The following MTUS1 variants were observed in gnomAD, a reference collection of about 807,000 sequenced individuals.
MTUS1 encodes the protein microtubule associated scaffold protein 1.
In MTUS1, 109 loss-of-function variants were observed where a neutral mutation model predicts 120.8. The ratio of observed to expected loss-of-function variants is 0.90; its 90% confidence interval spans 0.77 to 1.06. The LOEUF is 1.06. MTUS1 is among the 50% of genes least tolerant of loss of function. The pLI, the probability that MTUS1 is intolerant of heterozygous loss-of-function variation, is 0.00. For synonymous variants in MTUS1, 737 were observed against 550.5 expected (o/e 1.34, Z -4.74); for missense variants, 2,210 against 1,486.3 (o/e 1.49, Z -8.01).
At chr8:17,735,759 T>A (rs554266316) in intron 3 of MTUS1, among the ~76,000 whole-genome samples, 7 of 152,384 alleles carry the variant, frequency 4.6e-5, no homozygotes, top group Admixed American at 4.6e-4. Flanking sequence ...AGCCAAGGAA[T>A]GTTTTTAAAC....
intron 8 of MTUS1, among the ~76,000 whole-genome samples, chr8:17,661,327 G>T (rs1809646084): frequency 6.6e-6 from 1 of 152,034 alleles, no homozygotes; most frequent in Non-Finnish European, 1.5e-5. Context: ...AAAATTTCCG[G>T]TATTTCCAAA....
chr8:17,675,130 T>G, intron 8 of MTUS1, 56 bp downstream of exon 8: 1 of 1,608,382 alleles, frequency 6.2e-7, no homozygotes, highest in Non-Finnish European at 8.5e-7. Context: ...ACAACCACAT[T>G]TTCCAGTGTT....
chr8:17,646,979 T>C lies in MTUS1; in HGVS notation c.3599+3A>G, dbSNP rs1805936927. The C allele has an allele frequency of 6.2e-7, 1 of 1,612,060 alleles. No individual in the cohort carries two copies. The highest frequency in any genetic ancestry group is 1.7e-5 in the Admixed American group (1 of 59,972). On this transcript the variant is annotated splice_donor_region_variant and intron_variant, in intron 14 of 14. Coordinates refer to ENST00000693296, the MANE Select transcript of MTUS1 (RefSeq NM_001363059.2). ...GGGAGAAACAGCACTGTTTTATTTT[T>C]ACCTTGAGATTGCCATGTGCTTGTC... is the stretch of plus-strand genomic sequence containing the variant.
Position 17,643,933 on chromosome 8 carries a change from T to C in MTUS1, c.*1993A>G, listed in dbSNP as rs896022196. The C allele has an allele frequency of 7.2e-5, 11 of 152,226 alleles. No individual in the cohort carries two copies. The highest frequency in any genetic ancestry group is 2.4e-4 in the African/African-American group (10 of 41,450). The allele number at this position is 152,226 out of a possible 1,614,324, so 9.4% of individuals were successfully genotyped here. A position where few individuals can be genotyped will look rare whatever the true frequency, so the allele number is the denominator to read the frequency against. ...ACATTTTGCATTCTACATGAAACAT[T>C]TGGTTTAAACAAAATCTTAAGAATT... On this transcript the variant is annotated 3_prime_UTR_variant, in exon 15 of 15. Transcript: ENST00000693296.
chr8:17,758,008 T>TAC (rs948018376), intron 1 of MTUS1: 23 of 151,792 alleles, frequency 1.5e-4, no homozygotes, highest in Non-Finnish European at 2.5e-4. Flanking sequence ...TGCAAACAGA[T>TAC]ACGCACACAC....
intron 1 of MTUS1, among the ~76,000 whole-genome samples, chr8:17,777,355 C>T (rs62498370): frequency 0.03 from 4,506 of 151,902 alleles, 102 homozygotes; most frequent in Non-Finnish European, 0.043. Context: ...AAGAGAATCG[C>T]TTGAACCCAG....
chr8:17,657,490 C>A (rs1449288160), intron 8 of MTUS1, among the ~76,000 whole-genome samples: 3 of 149,940 alleles, frequency 2.0e-5, no homozygotes, highest in African/African-American at 7.3e-5. Context: ...ATGGCGTGAA[C>A]CCGGGAGGCG....
intron 6 of MTUS1, among the ~76,000 whole-genome samples, chr8:17,704,749 C>G (rs963812895): frequency 6.6e-6 from 1 of 152,082 alleles, no homozygotes; most frequent in African/African-American, 2.4e-5. Context: ...TATTTGCAGT[C>G]CTCTGTCATT....
At chr8:17,766,524 C>G (rs186351864) in intron 1 of MTUS1, among the ~76,000 whole-genome samples, 1 of 152,172 alleles carries the variant, frequency 6.6e-6, no homozygotes, top group African/African-American at 2.4e-5. Flanking sequence ...CAGATCTTAT[C>G]TGAAGGTGAC....
rs768397952 is a variant in MTUS1, at chr8:17,647,010, G to C, written c.3571C>G (p.Arg1191Gly). 2 of 1,613,698 alleles carry C rather than the reference G, an allele frequency of 1.2e-6. No individual in the cohort carries two copies. Among genetic ancestry groups the C allele is most frequent in the African/African-American group, 1.3e-5 (1 of 74,866 alleles). Reference protein sequence around the residue: ...FQQENEELKARMDKHMAISRQ... With the variant: ...FQQENEELKAGMDKHMAISRQ... ...GAGATTGCCATGTGCTTGTCCATCC[G>C]AGCTTTCAATTCTTCATTCTCCTGC... The change falls in exon 14 of 15, where the codon CGG becomes GGG. Residue 1191 changes from arginine to glycine, a missense_variant. Physicochemically the swap from Arg to Gly is moderately radical, Grantham distance 125 (BLOSUM62 -2). Coordinates refer to ENST00000693296, the MANE Select transcript of MTUS1 (RefSeq NM_001363059.2).
intron 1 of MTUS1, among the ~76,000 whole-genome samples, chr8:17,794,756 G>C (rs1401421944): frequency 6.6e-6 from 1 of 152,178 alleles, no homozygotes; most frequent in Admixed American, 6.5e-5. Flanking sequence ...AGTGCAAGGT[G>C]ACTTAATCAG....
Position 17,755,687 on chromosome 8 carries a change from C to A in MTUS1, c.121G>T (p.Ala41Ser). The A allele has an allele frequency of 6.2e-7, 1 of 1,614,208 alleles. No homozygotes were observed. The highest frequency in any genetic ancestry group is 8.5e-7 in the Non-Finnish European group (1 of 1,180,032). ...PKSPPTQNSSASSVNWNSANP... is the reference protein window; with the variant it reads ...PKSPPTQNSSSSSVNWNSANP... Reference sequence around the variant, plus strand: ...GCAGAATTCCAGTTCACACTGCTGGCTGAAGAGTTTTGTGTAGGTGGTGAT... The same window carrying A: ...GCAGAATTCCAGTTCACACTGCTGGATGAAGAGTTTTGTGTAGGTGGTGAT... Residue 41 changes from alanine to serine, a missense_variant, in exon 2 of 15, where the codon GCC becomes TCC. Physicochemically the swap from Ala to Ser is moderately conservative, Grantham distance 99 (BLOSUM62 1). Coordinates refer to ENST00000693296, the MANE Select transcript of MTUS1 (RefSeq NM_001363059.2).
intron 1 of MTUS1, among the ~76,000 whole-genome samples, chr8:17,778,724 G>A (rs541603124): frequency 3.3e-5 from 5 of 152,196 alleles, no homozygotes; most frequent in South Asian, 2.1e-4. Flanking sequence ...TGGGAGGATC[G>A]TTTGGGCCCT....
intron 1 of MTUS1, among the ~76,000 whole-genome samples, chr8:17,767,958 G>C (rs890831529): frequency 6.6e-6 from 1 of 152,216 alleles, no homozygotes; most frequent in Middle Eastern, 3.2e-3. Flanking sequence ...ACTCCTGGCA[G>C]TGGCAGCACG....
At chr8:17,686,059 A>G (rs6586632) in intron 6 of MTUS1, among the ~76,000 whole-genome samples, 88,399 of 152,138 alleles carry the variant, frequency 0.58, 25,894 homozygotes, top group Middle Eastern at 0.68. Context: ...AAATTGTCAC[A>G]TAACACATAA....
intron 1 of MTUS1, among the ~76,000 whole-genome samples, chr8:17,760,060 T>TC (rs1207098575): frequency 1.7e-4 from 26 of 149,726 alleles, no homozygotes; most frequent in African/African-American, 5.4e-4. Context: ...TCTTTTCTTT[T>TC]TTTTTTTTTT....
chr8:17,698,707 A>G (rs1017562804), intron 6 of MTUS1, among the ~76,000 whole-genome samples: 6 of 152,146 alleles, frequency 3.9e-5, no homozygotes, highest in Non-Finnish European at 7.3e-5. Context: ...GAAAATTTAA[A>G]TAAGTTCTCT....
At chr8:17,670,640 T>C (rs925985417) in intron 8 of MTUS1, among the ~76,000 whole-genome samples, 3 of 152,084 alleles carry the variant, frequency 2.0e-5, no homozygotes, top group Non-Finnish European at 4.4e-5. Flanking sequence ...CTGACCAATA[T>C]GGTGAATCCC....
At position 17,680,499 on chromosome 8, in the gene MTUS1, G is replaced by A. The variant is rs1219444041; in HGVS notation, c.2838+3829C>T. On this transcript the variant is annotated intron_variant, in intron 7 of 14. Transcript: ENST00000693296. ...AAAAAAAAAAAAAAAAAAAAAAAGC[G>A]GGTTCTGGAGCTGTATTCAGTGCAG... Among the ~76,000 whole-genome samples, 6 of 138,094 alleles carry A rather than the reference G, an allele frequency of 4.3e-5. No homozygotes were observed. In the East Asian group the frequency reaches 8.5e-4, roughly 20 times the overall value. The allele number at this position is 138,094 out of a possible 152,430, so 90.6% of individuals were successfully genotyped here. A position where few individuals can be genotyped will look rare whatever the true frequency, so the allele number is the denominator to read the frequency against.
Sources: allele counts gnomAD v4.1 joint callset (sites outside exome capture counted in the v4.1 genomes callset), GRCh38; gene constraint gnomAD v4.1.1; transcripts MANE v1.5; gene names NCBI Gene and HGNC (gene_info 2026-07-23, HGNC 2026-07-21).